The following NIBAN2 variants were observed in gnomAD, a reference collection of about 807,000 sequenced individuals.
The protein encoded by NIBAN2 is protein Niban 2.
In NIBAN2, 36 loss-of-function variants were observed where a neutral mutation model predicts 81.8. That is an observed-to-expected ratio of 0.44 (90% CI 0.34 to 0.58). NIBAN2 has a LOEUF of 0.58. Among genes scored for constraint, NIBAN2 ranks in the 20% least tolerant of loss-of-function variants. The pLI is 0.02. For missense variants in NIBAN2, 897 were observed against 1,014.1 expected, an observed-to-expected ratio of 0.88 and a Z score of 1.57; for synonymous variants, 445 against 441.6, an observed-to-expected ratio of 1.01 and a Z score of -0.10.
intron 8 of NIBAN2, among the ~76,000 whole-genome samples, chr9:127,516,453 G>A (rs1486308406): frequency 2.0e-5 from 3 of 152,238 alleles, no homozygotes; most frequent in Admixed American, 6.5e-5. Flanking sequence ...GGAGGCTGAG[G>A]CAGGAGAATT....
At chr9:127,568,732 C>T in intron 1 of NIBAN2, 88 bp downstream of exon 1, 1 of 1,140,198 alleles carries the variant, frequency 8.8e-7, no homozygotes, top group Non-Finnish European at 1.1e-6. Flanking sequence ...GAGCCCCCGG[C>T]CCCGGCGCCA....
chr9:127,509,445 TCA>T (rs1277013467), intron 9 of NIBAN2, among the ~76,000 whole-genome samples: 5 of 152,174 alleles, frequency 3.3e-5, no homozygotes, highest in Non-Finnish European at 7.4e-5. Context: ...TCTCTGAGCC[TCA>T]GTTTCCTCAG....
At chr9:127,526,119 A>C (rs1368024503) in intron 3 of NIBAN2, among the ~76,000 whole-genome samples, 2 of 152,112 alleles carry the variant, frequency 1.3e-5, no homozygotes, top group Non-Finnish European at 2.9e-5. Context: ...AAATCTTTAC[A>C]GTCCGGGTGC....
At position 127,516,859 on chromosome 9, in the gene NIBAN2, C is replaced by T. The variant is rs778880991; in HGVS notation, c.971G>A (p.Arg324Gln). The change falls in exon 8 of 14, where the codon CGA becomes CAA. Residue 324 changes from arginine (R) to glutamine (Q), a missense_variant and splice_region_variant. By Grantham distance (43) the Arg-to-Gln change is conservative. This residue lies in a region of NIBAN2 where 619 missense variants were observed against 691.0 expected (regional missense o/e 0.90). Coordinates refer to ENST00000373312, the MANE Select transcript of NIBAN2 (RefSeq NM_022833.4). Reference protein sequence around the residue: ...TSKEHLASKIRAFILPKAEVC... With the variant: ...TSKEHLASKIQAFILPKAEVC... The stretch of plus-strand genomic sequence containing the variant: ...CGAGCACGGGGGTGGCTGCCTACCT[C>T]GGATCTTGCTGGCAAGGTGCTCCTT... The T allele has an allele frequency of 3.1e-6, 5 of 1,612,220 alleles. No individual in the cohort carries two copies. Among genetic ancestry groups the T allele is most frequent in the Admixed American group, 1.7e-5 (1 of 59,978 alleles).
rs1220548085 is a variant in NIBAN2 at position 127,559,415 on chromosome 9, A to C, written c.55+9405T>G. ...AAAGTGAGGAGGAGGCACAGAGAAAAGGAAGGGCTTGTCAGAGGCCTCCAG... is the reference window on the plus strand; with the variant it reads ...AAAGTGAGGAGGAGGCACAGAGAAACGGAAGGGCTTGTCAGAGGCCTCCAG... On this transcript the variant is annotated intron_variant, in intron 1 of 13. Transcript: ENST00000373312. The surrounding 1 kb of genome is among the most constrained non-coding windows in gnomAD (Gnocchi z 4.0). Among the ~76,000 whole-genome samples, 5 of 152,178 alleles carry C rather than the reference A, an allele frequency of 3.3e-5. No homozygotes were observed. Among genetic ancestry groups the C allele is most frequent in the African/African-American group, 9.7e-5 (4 of 41,440 alleles).
chr9:127,530,918 C>G (rs896420402), intron 2 of NIBAN2, among the ~76,000 whole-genome samples: 4 of 152,304 alleles, frequency 2.6e-5, no homozygotes, highest in Non-Finnish European at 5.9e-5. Flanking sequence ...GTGGCTCACG[C>G]CTGTAATCCC....
rs139117578 is a variant in NIBAN2, at chr9:127,513,924, G to A, written c.973+2933C>T. 2.2e-3 allele frequency among the ~76,000 whole-genome samples: 339 copies of A among 152,206 alleles called. 3 individuals carry two copies. The East Asian group carries it at 0.042, about 19-fold the overall frequency. On this transcript the variant is annotated intron_variant, in intron 8 of 13. Transcript: ENST00000373312. Reference sequence around the variant, plus strand: ...TGAATAAGCCCTAGTATTTGATAGCGCAACAGGGTGACTATAATCAATAAT... The same window carrying A: ...TGAATAAGCCCTAGTATTTGATAGCACAACAGGGTGACTATAATCAATAAT...
intron 1 of NIBAN2, among the ~76,000 whole-genome samples, chr9:127,554,548 C>CTTTTTTTTTTTTTTTT (rs1230242603): frequency 2.4e-3 from 246 of 103,690 alleles, no homozygotes; most frequent in South Asian, 3.6e-3. Flanking sequence ...TTTTCTTTTT[C>CTTTTTTTTTTTTTTTT]TTTTTTTTTT....
chr9:127,554,411 G>A (rs948825741), intron 1 of NIBAN2, among the ~76,000 whole-genome samples: 3 of 152,104 alleles, frequency 2.0e-5, no homozygotes, highest in South Asian at 2.1e-4. Flanking sequence ...CCTCTTCCCC[G>A]CTCCGGAGCC....
rs980107393 is a variant in NIBAN2, at chr9:127,523,903, A to T, written c.422-57T>A. 11 of 1,558,202 alleles carry T rather than the reference A, an allele frequency of 7.1e-6. No homozygotes were observed. The East Asian group carries it at 2.5e-4, about 35-fold the overall frequency. ...CTCTGTGGTTGCCCTCCACCAGAGG[A>T]TGTCAGAGAACTGATCCCTTGGCAT... On this transcript the variant is annotated intron_variant, in intron 4 of 13. Transcript: ENST00000373312.
At chr9:127,538,228 T>A (rs2132200664) in intron 1 of NIBAN2, among the ~76,000 whole-genome samples, 1 of 152,260 alleles carries the variant, frequency 6.6e-6, no homozygotes, top group South Asian at 2.1e-4. Flanking sequence ...CCTATCGGGT[T>A]ATTGAGGGTG....
At chr9:127,540,585 G>A (rs1440033622) in intron 1 of NIBAN2, among the ~76,000 whole-genome samples, 1 of 152,200 alleles carries the variant, frequency 6.6e-6, no homozygotes, top group Non-Finnish European at 1.5e-5. Flanking sequence ...TTTCAGACCA[G>A]GTGACCGAGA....
chr9:127,552,409 C>CA (rs11392478), intron 1 of NIBAN2, among the ~76,000 whole-genome samples: 75,015 of 151,706 alleles, frequency 0.49, 19,625 homozygotes, highest in East Asian at 0.82. Context: ...TCCATCTCTA[C>CA]GAAAATTTTT....
intron 1 of NIBAN2, among the ~76,000 whole-genome samples, chr9:127,548,462 G>A (rs1837514580): frequency 6.6e-6 from 1 of 152,166 alleles, no homozygotes; most frequent in African/African-American, 2.4e-5. Flanking sequence ...CTCACGTGTG[G>A]CCCTGGGCAA....
At chr9:127,533,443 C>T (rs369313906) in intron 1 of NIBAN2, among the ~76,000 whole-genome samples, 12 of 152,188 alleles carry the variant, frequency 7.9e-5, no homozygotes, top group African/African-American at 2.9e-4. Context: ...GGCGACAGAG[C>T]GAGACTCCAT....
chr9:127,570,473 A>G (rs1388810960), upstream of NIBAN2, among the ~76,000 whole-genome samples: 1 of 152,160 alleles, frequency 6.6e-6, no homozygotes, highest in Non-Finnish European at 1.5e-5. Context: ...CTCATCTGTC[A>G]AAAGAGAATG....
chr9:127,508,042 C>T lies in NIBAN2; in HGVS notation c.1542+51G>A, dbSNP rs1410278819. ...AAGGGTAGAGGGAGGCCTGTGGGCT[C>T]CATCCCCCAACTTAGGGCCCAAACG... On this transcript the variant is annotated intron_variant, in intron 12 of 13. Coordinates refer to ENST00000373312, the MANE Select transcript of NIBAN2 (RefSeq NM_022833.4). This position sits in a 1 kb window ranked among gnomAD's most constrained non-coding sequence, Gnocchi z 6.4. 1.2e-6 allele frequency: 2 copies of T among 1,610,826 alleles called. No homozygotes were observed. The highest frequency in any genetic ancestry group is 1.7e-6 in the Non-Finnish European group (2 of 1,177,168).
intron 1 of NIBAN2, among the ~76,000 whole-genome samples, chr9:127,541,622 C>T (rs1159965012): frequency 1.3e-5 from 2 of 152,102 alleles, no homozygotes; most frequent in Non-Finnish European, 2.9e-5. Context: ...TAATGACAGG[C>T]TCCATCAAGT....
At chr9:127,529,057 T>C (rs1837130248) in intron 2 of NIBAN2, among the ~76,000 whole-genome samples, 1 of 152,222 alleles carries the variant, frequency 6.6e-6, no homozygotes, top group African/African-American at 2.4e-5. Flanking sequence ...GACTTTCAAA[T>C]GGCAGAGTCG....
Sources: gnomAD v4.1 joint callset for allele counts (sites outside exome capture counted in the v4.1 genomes callset) on GRCh38, gnomAD v4.1.1 for gene constraint, gnomAD v4.1.1 regional missense constraint, Gnocchi (gnomAD v3.1) non-coding constraint, MANE v1.5 for transcripts, NCBI Gene and HGNC (gene_info 2026-07-23, HGNC 2026-07-21) for gene names.